The following MACROD1 variants were observed in gnomAD, a reference collection of about 807,000 sequenced individuals.
The protein encoded by MACROD1 is mono-ADP ribosylhydrolase 1.
In MACROD1, 31 loss-of-function variants were observed where a neutral mutation model predicts 41.4. That is an observed-to-expected ratio of 0.75 (90% CI 0.56 to 1.01). The LOEUF (loss-of-function observed/expected upper bound fraction) is 1.01, where lower values mean the gene tolerates loss of function less well. Among genes scored for constraint, MACROD1 ranks in the 50% least tolerant of loss-of-function variants. The pLI, the probability that MACROD1 is intolerant of heterozygous loss-of-function variation, is 0.00. For synonymous variants in MACROD1, 252 were observed against 203.4 expected (o/e 1.24, Z -2.03); for missense variants, 473 against 460.0 (o/e 1.03, Z -0.26).
chr11:64,162,903 G>A (rs773995929), intron 1 of MACROD1, among the ~76,000 whole-genome samples: 20 of 152,158 alleles, frequency 1.3e-4, no homozygotes, highest in South Asian at 4.1e-4. Flanking sequence ...GGCAGATCAC[G>A]AGGTCCGGAG....
At position 64,000,342 on chromosome 11, in the gene MACROD1, C is replaced by A; in HGVS notation, c.549G>T (p.Val183=). The part of the protein sequence containing the change: ...ANSSLLGGGG[V]DGCIHRAAGP... ...CGGCGGCCCGATGAATGCAGCCGTC[C>A]ACTGCGGGAAGGGCGGGCGCGACTG... The change falls in exon 5 of 11, where the codon GTG becomes GTT. Residue 183 remains valine, a splice_region_variant and synonymous_variant. Coordinates refer to ENST00000255681, the MANE Select transcript of MACROD1 (RefSeq NM_014067.4). 6.4e-7 allele frequency: 1 copy of A among 1,570,096 alleles called. No homozygotes were observed. The highest frequency in any genetic ancestry group is 2.4e-5 in the East Asian group (1 of 41,976).
At chr11:64,060,001 G>T (rs1943867298) in intron 3 of MACROD1, among the ~76,000 whole-genome samples, 1 of 152,174 alleles carries the variant, frequency 6.6e-6, no homozygotes, top group Non-Finnish European at 1.5e-5. Context: ...GGGCGGTGCG[G>T]GACGTCCAGG....
intron 3 of MACROD1, among the ~76,000 whole-genome samples, chr11:64,135,000 C>T (rs1197348881): frequency 3.3e-5 from 5 of 152,350 alleles, no homozygotes; most frequent in Non-Finnish European, 1.5e-5. Flanking sequence ...TGCCCCCTGC[C>T]TGGCTCCCGA....
chr11:64,075,813 T>C (rs756551687), intron 3 of MACROD1, among the ~76,000 whole-genome samples: 6 of 152,234 alleles, frequency 3.9e-5, no homozygotes, highest in African/African-American at 1.2e-4. Flanking sequence ...GCTGGAGTTA[T>C]AGACTTGAGC....
intron 3 of MACROD1, among the ~76,000 whole-genome samples, chr11:64,133,070 C>T (rs60377249): frequency 1.5e-3 from 233 of 152,198 alleles, no homozygotes; most frequent in African/African-American, 5.3e-3. Flanking sequence ...CCAGCCAGAG[C>T]GCCCTGTGGG....
At chr11:64,113,435 T>TGGAA (rs1404555432) in intron 3 of MACROD1, among the ~76,000 whole-genome samples, 7 of 149,556 alleles carry the variant, frequency 4.7e-5, no homozygotes, top group Non-Finnish European at 7.4e-5. Flanking sequence ...GATGGATGGA[T>TGGAA]GGATGGATGG....
chr11:64,087,537 G>A (rs1359499619), intron 3 of MACROD1, among the ~76,000 whole-genome samples: 1 of 152,246 alleles, frequency 6.6e-6, no homozygotes, highest in Non-Finnish European at 1.5e-5. Flanking sequence ...TTGGAGGCAA[G>A]CACGCAGTCC....
At chr11:64,010,654 A>AGTTGGGGTGCTGGCTGGTGTGTTG in intron 4 of MACROD1, among the ~76,000 whole-genome samples, 1 of 47,108 alleles carries the variant, frequency 2.1e-5, no homozygotes, top group African/African-American at 8.8e-5. Flanking sequence ...TTGGGGTGTT[A>AGTTGGGGTGCTGGCTGGTGTGTTG]GTTGGGGTGC....
chr11:64,114,989 A>C (rs80042216), intron 3 of MACROD1, among the ~76,000 whole-genome samples: 1 of 152,346 alleles, frequency 6.6e-6, no homozygotes, highest in Non-Finnish European at 1.5e-5. Context: ...AGAGATGTTC[A>C]GTCCCTGGGG....
rs888723496 is a variant in MACROD1 at position 64,082,536 on chromosome 11, C to T, written c.518-67255G>A. On this transcript the variant is annotated intron_variant, in intron 3 of 10. Transcript: ENST00000255681. The surrounding 1 kb of genome is among the most constrained non-coding windows in gnomAD (Gnocchi z 4.5). The stretch of plus-strand genomic sequence containing the variant: ...AGGCTCGGTGCCTAACGGTGGTGGC[C>T]GTGGGAGTCAGAGCTCCAGGCGGAA... Among the ~76,000 whole-genome samples the T allele has an allele frequency of 3.3e-5, 5 of 152,134 alleles. No homozygotes were observed. The highest frequency in any genetic ancestry group is 6.5e-5 in the Admixed American group (1 of 15,298).
chr11:64,008,748 C>A (rs192080324), intron 4 of MACROD1, among the ~76,000 whole-genome samples: 2 of 152,154 alleles, frequency 1.3e-5, no homozygotes, highest in African/African-American at 2.4e-5. Flanking sequence ...CAGGCAGGCT[C>A]GGCTCCTGCA....
At chr11:64,084,425 C>T (rs541139206) in intron 3 of MACROD1, among the ~76,000 whole-genome samples, 1 of 152,330 alleles carries the variant, frequency 6.6e-6, no homozygotes, top group South Asian at 2.1e-4. Flanking sequence ...CGCGAAGCCC[C>T]CTCCCTGCAC....
intron 3 of MACROD1, among the ~76,000 whole-genome samples, chr11:64,094,207 T>G (rs897937443): frequency 1.3e-5 from 2 of 151,896 alleles, no homozygotes; most frequent in Non-Finnish European, 2.9e-5. Flanking sequence ...CCAAAGCGGG[T>G]GGAGCACAAG....
chr11:64,144,612 G>A (rs1039851600), intron 3 of MACROD1, among the ~76,000 whole-genome samples: 1 of 151,948 alleles, frequency 6.6e-6, no homozygotes, highest in South Asian at 2.1e-4. Flanking sequence ...CTTCCCCGAG[G>A]AGGAGGGAGC....
At chr11:64,139,637 A>G (rs992880209) in intron 3 of MACROD1, among the ~76,000 whole-genome samples, 47 of 152,152 alleles carry the variant, frequency 3.1e-4, no homozygotes, top group Non-Finnish European at 7.4e-5. Flanking sequence ...CCCATAAGGA[A>G]CAGATGGGAA....
At chr11:64,126,944 C>G (rs959928689) in intron 3 of MACROD1, 1 of 152,242 alleles carries the variant, frequency 6.6e-6, no homozygotes, top group Non-Finnish European at 1.5e-5. Flanking sequence ...TGACCGTCCC[C>G]GCTACCGCCT....
intron 3 of MACROD1, chr11:64,060,551 C>T (rs946319804): frequency 3.9e-5 from 6 of 152,202 alleles, no homozygotes; most frequent in African/African-American, 1.4e-4. Context: ...CCAGAGCAGG[C>T]CCCAGCCTGG....
Position 64,165,783 on chromosome 11 carries a change from C to A in MACROD1, c.212G>T (p.Arg71Leu). ...GGCCCAAGTGCGCACCCCGGCTGTC[C>A]GCCCCACCGCCGCCGCCCCCCACGC... Reference protein sequence around the residue: ...VGAWGAAAVGRTAGVRTWAPL... With the variant: ...VGAWGAAAVGLTAGVRTWAPL... Residue 71 changes from arginine to leucine, a missense_variant, in exon 1 of 11, where the codon CGG becomes CTG. Physicochemically the swap from Arg to Leu is moderately radical, Grantham distance 102. Coordinates refer to ENST00000255681, the MANE Select transcript of MACROD1 (RefSeq NM_014067.4). The A allele has an allele frequency of 6.7e-7, 1 of 1,489,082 alleles. No individual in the cohort carries two copies. The highest frequency in any genetic ancestry group is 8.9e-7 in the Non-Finnish European group (1 of 1,124,218). The allele number at this position is 1,489,082 out of a possible 1,614,324, so 92.2% of individuals were successfully genotyped here. A position where few individuals can be genotyped will look rare whatever the true frequency, so the allele number is the denominator to read the frequency against.
intron 3 of MACROD1, among the ~76,000 whole-genome samples, chr11:64,045,664 C>T (rs1168246966): frequency 6.6e-6 from 1 of 152,176 alleles, no homozygotes; most frequent in Non-Finnish European, 1.5e-5. Context: ...CCTGGGGTCT[C>T]AAAGGCAGGC....
Sources: gnomAD v4.1 joint callset for allele counts (sites outside exome capture counted in the v4.1 genomes callset) on GRCh38, gnomAD v4.1.1 for gene constraint, Gnocchi (gnomAD v3.1) non-coding constraint, MANE v1.5 for transcripts, NCBI Gene and HGNC (gene_info 2026-07-23, HGNC 2026-07-21) for gene names.